The following TRABD2B variants were observed in gnomAD, a reference collection of about 807,000 sequenced individuals.
TRABD2B encodes metalloprotease TIKI2.
TRABD2B carries 14 observed loss-of-function variants against 40.1 expected under a neutral mutation model. The observed-to-expected ratio is 0.35, with a 90% CI of 0.23 to 0.55. The LOEUF (loss-of-function observed/expected upper bound fraction) is 0.55. TRABD2B is among the 20% of genes least tolerant of loss of function. The pLI, the probability that TRABD2B is intolerant of heterozygous loss-of-function variation, is 0.90. For synonymous variants in TRABD2B, 263 were observed against 277.0 expected (o/e 0.95, Z 0.50); for missense variants, 541 against 648.6 (o/e 0.83, Z 1.80).
intron 2 of TRABD2B, among the ~76,000 whole-genome samples, chr1:47,989,337 C>T (rs1557698572): frequency 6.6e-6 from 1 of 152,212 alleles, no homozygotes; most frequent in South Asian, 2.1e-4. Flanking sequence ...TCGTTCATTC[C>T]TTCAATGATG....
chr1:47,783,334 T>G (rs1644551630), intron 4 of TRABD2B, among the ~76,000 whole-genome samples: 12 of 135,998 alleles, frequency 8.8e-5, no homozygotes, highest in South Asian at 2.5e-4. Context: ...GACAGAGAGG[T>G]AAGGAGAGAA....
At chr1:47,880,465 C>T (rs1440620703) in intron 2 of TRABD2B, among the ~76,000 whole-genome samples, 1 of 152,170 alleles carries the variant, frequency 6.6e-6, no homozygotes, top group Non-Finnish European at 1.5e-5. Context: ...GACTGTGAGA[C>T]AATCAGTTTT....
intron 6 of TRABD2B, among the ~76,000 whole-genome samples, chr1:47,774,942 T>C (rs1644423445): frequency 6.6e-6 from 1 of 152,286 alleles, no homozygotes; most frequent in Non-Finnish European, 1.5e-5. Flanking sequence ...AGAAAGCTTC[T>C]ATTTCCTCAC....
At chr1:47,921,682 G>A (rs1418136627) in intron 2 of TRABD2B, among the ~76,000 whole-genome samples, 3 of 152,118 alleles carry the variant, frequency 2.0e-5, no homozygotes, top group Non-Finnish European at 4.4e-5. Context: ...TTGGCTTCAC[G>A]AACTTTTATT....
At chr1:47,964,563 T>C (rs1216235174) in intron 2 of TRABD2B, among the ~76,000 whole-genome samples, 1 of 152,208 alleles carries the variant, frequency 6.6e-6, no homozygotes, top group African/African-American at 2.4e-5. Context: ...TCCAGGCTTC[T>C]AATCAGGAAA....
chr1:47,814,050 A>G (rs1322975374), intron 2 of TRABD2B, among the ~76,000 whole-genome samples: 1 of 152,264 alleles, frequency 6.6e-6, no homozygotes, highest in Non-Finnish European at 1.5e-5. Flanking sequence ...GGATTCCCAA[A>G]GGAGGTGGCT....
chr1:47,809,178 G>A lies in TRABD2B; in HGVS notation c.667-7559C>T, dbSNP rs752190258. ...GAGAACTCTGAGCCATGGACTGCAA[G>A]GGTCCCCTGCTAAGTGCCCCCAAAG... On this transcript the variant is annotated intron_variant, in intron 2 of 6. Transcript: ENST00000606738. Among the ~76,000 whole-genome samples, 37 of 152,130 alleles carry A rather than the reference G, an allele frequency of 2.4e-4. 1 individual carries two copies. Among genetic ancestry groups the A allele is most frequent in the South Asian group, 4.1e-4 (2 of 4,830 alleles).
chr1:47,887,388 T>C (rs1221749815), intron 2 of TRABD2B, among the ~76,000 whole-genome samples: 4 of 151,924 alleles, frequency 2.6e-5, no homozygotes, highest in Non-Finnish European at 5.9e-5. Context: ...CTGTGGAGGA[T>C]GCCCTTATGC....
At chr1:47,792,648 G>A (rs1053298384) in intron 4 of TRABD2B, among the ~76,000 whole-genome samples, 1 of 152,186 alleles carries the variant, frequency 6.6e-6, no homozygotes, top group East Asian at 1.9e-4. Context: ...AAGGAGGTTA[G>A]TGTCCACGGC....
chr1:47,932,264 A>G (rs1027668388), intron 2 of TRABD2B, among the ~76,000 whole-genome samples: 2 of 152,190 alleles, frequency 1.3e-5, no homozygotes, highest in East Asian at 3.9e-4. Flanking sequence ...ATTCAAGGCC[A>G]TGGAGCTGGG....
chr1:47,815,101 C>G (rs1380235540), intron 2 of TRABD2B, among the ~76,000 whole-genome samples: 1 of 152,168 alleles, frequency 6.6e-6, no homozygotes, highest in African/African-American at 2.4e-5. Flanking sequence ...TTGGGCAGCT[C>G]GGGTCTCCTA....
intron 2 of TRABD2B, among the ~76,000 whole-genome samples, chr1:47,855,972 G>A (rs923060331): frequency 4.6e-5 from 7 of 152,184 alleles, no homozygotes; most frequent in East Asian, 3.8e-4. Context: ...GGATGAGGGC[G>A]CTTGCAGATG....
intron 2 of TRABD2B, among the ~76,000 whole-genome samples, chr1:47,882,706 T>C (rs1482480297): frequency 1.3e-5 from 2 of 152,092 alleles, no homozygotes; most frequent in Non-Finnish European, 2.9e-5. Context: ...CTGTGAACGC[T>C]AACATGCCAT....
chr1:47,967,057 C>T, intron 2 of TRABD2B, among the ~76,000 whole-genome samples: 1 of 152,164 alleles, frequency 6.6e-6, no homozygotes, highest in East Asian at 1.9e-4. Context: ...TTTAAATCCC[C>T]TTGACCATGT....
intron 2 of TRABD2B, among the ~76,000 whole-genome samples, chr1:47,806,238 G>A (rs2124315315): frequency 6.6e-6 from 1 of 152,334 alleles, no homozygotes; most frequent in Non-Finnish European, 1.5e-5. Context: ...TTTGAGATTA[G>A]TAGATTAATT....
intron 2 of TRABD2B, among the ~76,000 whole-genome samples, chr1:47,817,148 GA>G (rs1043352165): frequency 1.2e-4 from 18 of 152,218 alleles, no homozygotes; most frequent in African/African-American, 4.1e-4. Context: ...AGCTGTTAGA[GA>G]GATATCCTTG....
At position 47,816,127 on chromosome 1, in the gene TRABD2B, C is replaced by T. The variant is rs146203113; in HGVS notation, c.667-14508G>A. Among the ~76,000 whole-genome samples the T allele has an allele frequency of 5.4e-3, 827 of 152,216 alleles. 11 individuals are homozygous for T. The highest frequency in any genetic ancestry group is 0.019 in the African/African-American group (787 of 41,510). ...TGTTTTTGTGTCTTCAGCCTCACCC[C>T]CTTCCCCTCTCTCTCTTTTACTTTT... On this transcript the variant is annotated intron_variant, in intron 2 of 6. Transcript: ENST00000606738.
intron 2 of TRABD2B, among the ~76,000 whole-genome samples, chr1:47,873,965 T>A (rs1425925494): frequency 6.6e-6 from 1 of 152,210 alleles, no homozygotes; most frequent in Non-Finnish European, 1.5e-5. Flanking sequence ...GAGAAAAATG[T>A]GTGACTGGAG....
chr1:47,768,945 G>T (rs1307133198), intron 6 of TRABD2B, among the ~76,000 whole-genome samples: 9 of 152,226 alleles, frequency 5.9e-5, no homozygotes, highest in African/African-American at 1.9e-4. Context: ...GCCTGAGACA[G>T]GCCAAGGAGC....
Sources: gnomAD v4.1 joint callset for allele counts (sites outside exome capture counted in the v4.1 genomes callset) on GRCh38, gnomAD v4.1.1 for gene constraint, MANE v1.5 for transcripts, NCBI Gene and HGNC (gene_info 2026-07-23, HGNC 2026-07-21) for gene names.